ZBTB20: variants seen among roughly 807,000 people sequenced by gnomAD.
The protein encoded by ZBTB20 is zinc finger and BTB domain-containing protein 20.
A neutral mutation model predicts 56.9 loss-of-function variants in ZBTB20; 9 were observed. The observed-to-expected ratio is 0.16, with a 90% confidence interval of 0.10 to 0.28. ZBTB20 has a LOEUF of 0.28. Ranked by LOEUF, ZBTB20 falls within the 10% of genes least tolerant of loss-of-function variation. ZBTB20 has a pLI of 1.00. For missense variants in ZBTB20, 655 were observed against 1,003.0 expected, an observed-to-expected ratio of 0.65 and a Z score of 4.69; for synonymous variants, 417 against 420.7, an observed-to-expected ratio of 0.99 and a Z score of 0.11.
intron 4 of ZBTB20, among the ~76,000 whole-genome samples, chr3:114,855,070 A>C (rs1238184163): frequency 6.6e-6 from 1 of 152,202 alleles, no homozygotes; most frequent in East Asian, 1.9e-4. Flanking sequence ...AATGCATCGA[A>C]TATTCTGTAA....
chr3:114,342,669 C>A (rs1005005363), intron 11 of ZBTB20, among the ~76,000 whole-genome samples: 1 of 152,136 alleles, frequency 6.6e-6, no homozygotes, highest in African/African-American at 2.4e-5. Flanking sequence ...TAGTACAGAG[C>A]ATGTGGTCAT....
chr3:114,727,667 C>T (rs1165855640), intron 5 of ZBTB20, among the ~76,000 whole-genome samples: 2 of 151,822 alleles, frequency 1.3e-5, no homozygotes, highest in Non-Finnish European at 2.9e-5. Context: ...TTTTTGATGG[C>T]AGACAAAAAA....
rs71146341 is a variant in ZBTB20 at position 114,844,330 on chromosome 3, AATATATATATATATATATATAT to A, written c.-416-43178_-416-43157del. ...GTTGCATAAGAAAATTACTGGAGTAAATATATATATATATATATATATATATATATATATATATATATTAGCT... is the reference window on the plus strand; with the variant it reads ...GTTGCATAAGAAAATTACTGGAGTAAATATATATATATATATATATTAGCT... On this transcript the variant is annotated intron_variant, in intron 4 of 11. Coordinates refer to ENST00000675478, the MANE Select transcript of ZBTB20 (RefSeq NM_001348800.3). 2.2e-3 allele frequency among the ~76,000 whole-genome samples: 221 copies of A among 99,210 alleles called. 4 individuals carry two copies. Among genetic ancestry groups the A allele is most frequent in the South Asian group, 0.012 (41 of 3,286 alleles). The allele number at this position is 99,210 out of a possible 152,430, so 65.1% of individuals were successfully genotyped here.
intron 10 of ZBTB20, among the ~76,000 whole-genome samples, chr3:114,377,541 A>G (rs1045697833): frequency 6.6e-6 from 1 of 152,184 alleles, no homozygotes; most frequent in East Asian, 1.9e-4. Context: ...TTACCCACCC[A>G]TGTCAGTTCA....
At chr3:114,528,131 A>G (rs962281840) in intron 6 of ZBTB20, among the ~76,000 whole-genome samples, 10 of 152,136 alleles carry the variant, frequency 6.6e-5, no homozygotes, top group African/African-American at 2.4e-4. Context: ...CTCTGAGATA[A>G]TTTATCATTC....
intron 5 of ZBTB20, among the ~76,000 whole-genome samples, chr3:114,727,193 G>A (rs2065370327): frequency 6.6e-6 from 1 of 152,054 alleles, no homozygotes; most frequent in Non-Finnish European, 1.5e-5. Flanking sequence ...TGATCAAAAG[G>A]AGCCCAGGCC....
chr3:115,059,150 T>C (rs1233572981), intron 2 of ZBTB20, among the ~76,000 whole-genome samples: 1 of 152,202 alleles, frequency 6.6e-6, no homozygotes, highest in Non-Finnish European at 1.5e-5. Context: ...ATCTCTGCCA[T>C]TTCTGAACGT....
chr3:114,770,644 A>G (rs956799124), intron 5 of ZBTB20, among the ~76,000 whole-genome samples: 3 of 152,166 alleles, frequency 2.0e-5, no homozygotes, highest in Non-Finnish European at 4.4e-5. Flanking sequence ...GAAATCTGTA[A>G]TTCCTTCTTA....
intron 5 of ZBTB20, among the ~76,000 whole-genome samples, chr3:114,695,828 C>T (rs1363902165): frequency 6.6e-6 from 1 of 151,814 alleles, no homozygotes; most frequent in Non-Finnish European, 1.5e-5. Context: ...TATTGGAATC[C>T]AAACTCAACT....
chr3:114,482,745 T>A (rs2041696454), intron 7 of ZBTB20, among the ~76,000 whole-genome samples: 1 of 152,204 alleles, frequency 6.6e-6, no homozygotes, highest in African/African-American at 2.4e-5. Context: ...TTAAGTAGTT[T>A]ATTGTTTGGA....
chr3:114,883,674 C>T (rs1178749198), intron 4 of ZBTB20, among the ~76,000 whole-genome samples: 1 of 152,028 alleles, frequency 6.6e-6, no homozygotes, highest in Non-Finnish European at 1.5e-5. Flanking sequence ...TGGCCTTCTT[C>T]CATTGTGACT....
At chr3:114,697,387 G>C (rs2063108183) in intron 5 of ZBTB20, among the ~76,000 whole-genome samples, 1 of 151,962 alleles carries the variant, frequency 6.6e-6, no homozygotes, top group African/African-American at 2.4e-5. Flanking sequence ...AGGTCACGAT[G>C]TCTCATTTAA....
intron 2 of ZBTB20, among the ~76,000 whole-genome samples, chr3:115,001,027 T>C (rs1369492843): frequency 6.7e-6 from 1 of 149,978 alleles, no homozygotes; most frequent in African/African-American, 2.4e-5. Flanking sequence ...TCTTGACCAT[T>C]ACGAGGAAAA....
chr3:114,481,281 C>G (rs1281502999), intron 7 of ZBTB20, among the ~76,000 whole-genome samples: 1 of 116,660 alleles, frequency 8.6e-6, no homozygotes, highest in African/African-American at 3.0e-5. Flanking sequence ...AAAAAAAAAC[C>G]TCATTTCCTG....
chr3:114,594,289 A>G (rs2056106038), intron 6 of ZBTB20, among the ~76,000 whole-genome samples: 1 of 136,740 alleles, frequency 7.3e-6, no homozygotes. Context: ...TTTTTTTGAG[A>G]TAGAGTCTTG....
chr3:114,408,612 CTGTT>C (rs1476027947), intron 7 of ZBTB20, among the ~76,000 whole-genome samples: 1 of 151,928 alleles, frequency 6.6e-6, no homozygotes, highest in Admixed American at 6.6e-5. Context: ...TCTCACATCT[CTGTT>C]TGCACTTTCG....
chr3:114,458,796 A>G (rs899991860), intron 7 of ZBTB20, among the ~76,000 whole-genome samples: 1 of 152,122 alleles, frequency 6.6e-6, no homozygotes, highest in Non-Finnish European at 1.5e-5. Flanking sequence ...AGGACAACAT[A>G]TCCTAATTTA....
chr3:114,417,857 G>C (rs1390237825), intron 7 of ZBTB20, among the ~76,000 whole-genome samples: 1 of 151,996 alleles, frequency 6.6e-6, no homozygotes, highest in African/African-American at 2.4e-5. Flanking sequence ...AATAATCAAA[G>C]TATATGCCAA....
chr3:114,459,558 C>A (rs955993414), intron 7 of ZBTB20, among the ~76,000 whole-genome samples: 1 of 152,128 alleles, frequency 6.6e-6, no homozygotes, highest in African/African-American at 2.4e-5. Flanking sequence ...TATTGTCCAG[C>A]ATCACACCTG....
Sources: allele counts gnomAD v4.1 joint callset (sites outside exome capture counted in the v4.1 genomes callset), GRCh38; gene constraint gnomAD v4.1.1; transcripts MANE v1.5; gene names NCBI Gene and HGNC (gene_info 2026-07-23, HGNC 2026-07-21).